SNX11: variants seen among roughly 807,000 people sequenced by gnomAD.
SNX11 encodes sorting nexin 11.
SNX11 carries 19 observed loss-of-function variants against 30.7 expected under a neutral mutation model. That is an observed-to-expected ratio of 0.62 (90% CI 0.43 to 0.91). The LOEUF is 0.91. SNX11 is among the 40% of genes least tolerant of loss of function. The pLI is 0.00. For missense variants in SNX11, 302 were observed against 326.7 expected, an observed-to-expected ratio of 0.92 and a Z score of 0.58; for synonymous variants, 112 against 119.0, an observed-to-expected ratio of 0.94 and a Z score of 0.38.
intron 4 of SNX11, chr17:48,113,619 C>T (rs923341414): frequency 7.2e-6 from 3 of 418,666 alleles, no homozygotes; most frequent in Non-Finnish European, 1.3e-5. Context: ...AATCATGGCT[C>T]ACTGCAGCCT....
intron 2 of SNX11, 150 bp from the exon 3 acceptor site, chr17:48,112,411 TTGAATTGAGTGAC>T (rs1285112035): frequency 1.5e-6 from 1 of 674,116 alleles, no homozygotes; most frequent in African/African-American, 1.8e-5. Flanking sequence ...TAAAAATTTG[TTGAATTGAGTGAC>T]TGAATTGAGT....
Position 48,113,323 on chromosome 17 carries a change from C to T in SNX11, c.152C>T (p.Ala51Val), listed in dbSNP as rs1598331933. ...TAGACCAACAGCAAAGCCTTTACTG[C>T]CAAGACTTCCTGTGTGCGGCGCCGC... ...FLHTNSKAFTAKTSCVRRRYR... is the reference protein window; with the variant it reads ...FLHTNSKAFTVKTSCVRRRYR... Residue 51 changes from alanine (A) to valine (V), a missense_variant, in exon 4 of 7, where the codon GCC becomes GTC. Ala to Val is a moderately conservative substitution (Grantham distance 64, BLOSUM62 0). Coordinates refer to ENST00000359238, the MANE Select transcript of SNX11 (RefSeq NM_013323.3). The T allele has an allele frequency of 6.2e-7, 1 of 1,613,356 alleles. No homozygotes were observed. Among genetic ancestry groups the T allele is most frequent in the Non-Finnish European group, 8.5e-7 (1 of 1,179,658 alleles).
chr17:48,111,113 A>T, intron 1 of SNX11: 1 of 985,444 alleles, frequency 1.0e-6, no homozygotes, highest in Non-Finnish European at 1.2e-6. Flanking sequence ...ACCGGATGGC[A>T]TGTCAGGAGA....
At position 48,113,307 on chromosome 17, in the gene SNX11, A is replaced by G; in HGVS notation, c.136A>G (p.Ser46Gly). 6.2e-7 allele frequency: 1 copy of G among 1,613,276 alleles called. No homozygotes were observed. The highest frequency in any genetic ancestry group is 1.3e-5 in the African/African-American group (1 of 75,024). ...CATGTGCTTTCATGTATAGACCAAC[A>G]GCAAAGCCTTTACTGCCAAGACTTC... The part of the protein sequence containing the change: ...VDYKIFLHTN[S>G]KAFTAKTSCV... The change falls in exon 4 of 7, where the codon AGC becomes GGC. Residue 46 changes from serine to glycine, a missense_variant. Coordinates refer to ENST00000359238, the MANE Select transcript of SNX11 (RefSeq NM_013323.3).
intron 1 of SNX11, among the ~76,000 whole-genome samples, chr17:48,110,398 C>T (rs186297284): frequency 1.3e-5 from 2 of 152,262 alleles, no homozygotes; most frequent in Admixed American, 6.5e-5. Context: ...CATGCAGCTT[C>T]GTTTCTGCAT....
chr17:48,114,298 C>A (rs2063522033), intron 4 of SNX11, among the ~76,000 whole-genome samples: 1 of 147,246 alleles, frequency 6.8e-6, no homozygotes, highest in Non-Finnish European at 1.5e-5. Flanking sequence ...GGATTACAGG[C>A]ATGCGCCACC....
At chr17:48,114,383 C>T (rs1423536044) in intron 4 of SNX11, among the ~76,000 whole-genome samples, 1 of 151,672 alleles carries the variant, frequency 6.6e-6, no homozygotes, top group Non-Finnish European at 1.5e-5. Flanking sequence ...GAACTCCTAA[C>T]CTCAGGTGAT....
At chr17:48,108,582 G>C (rs76739914) in intron 1 of SNX11, among the ~76,000 whole-genome samples, 1 of 152,208 alleles carries the variant, frequency 6.6e-6, no homozygotes, top group African/African-American at 2.4e-5. Context: ...AAAGCTTTAC[G>C]ATGAATCTAC....
At chr17:48,112,724 G>A in intron 3 of SNX11, 64 bp downstream of exon 3, 3 of 984,362 alleles carry the variant, frequency 3.0e-6, no homozygotes, top group South Asian at 3.0e-5. Context: ...TTGTACTGAG[G>A]TGTAACCTTT....
intron 3 of SNX11, among the ~76,000 whole-genome samples, chr17:48,113,057 G>C (rs1279091322): frequency 6.6e-6 from 1 of 152,060 alleles, no homozygotes; most frequent in Non-Finnish European, 1.5e-5. Flanking sequence ...CTATTTTTGA[G>C]TGTTTCTGGT....
chr17:48,115,214 C>T (rs116400536), intron 4 of SNX11, among the ~76,000 whole-genome samples: 4,148 of 151,824 alleles, frequency 0.027, 73 homozygotes, highest in African/African-American at 0.036. Flanking sequence ...GGTCCCTACC[C>T]CCACGCCCAG....
chr17:48,109,934 C>T (rs566069183), intron 1 of SNX11, among the ~76,000 whole-genome samples: 2 of 152,228 alleles, frequency 1.3e-5, no homozygotes, highest in East Asian at 3.9e-4. Context: ...ATGATCATTT[C>T]GTTCCTAAAT....
chr17:48,120,961 C>T (rs1219652327), intron 6 of SNX11, among the ~76,000 whole-genome samples: 1 of 151,384 alleles, frequency 6.6e-6, no homozygotes, highest in African/African-American at 2.4e-5. Flanking sequence ...GAGAGACTTC[C>T]CTTTCTGTTC....
intron 5 of SNX11, 51 bp downstream of exon 5, chr17:48,118,850 G>C (rs779462577): frequency 1.3e-5 from 20 of 1,572,300 alleles, no homozygotes; most frequent in Non-Finnish European, 1.7e-5. Flanking sequence ...AGGCAGGGGT[G>C]GAGGAATGTG....
intron 4 of SNX11, 111 bp from the exon 5 acceptor site, chr17:48,118,593 A>G: frequency 3.0e-6 from 2 of 671,952 alleles, no homozygotes; most frequent in East Asian, 2.7e-5. Flanking sequence ...AAAAAAAAAA[A>G]GCTATTTGTA....
intron 4 of SNX11, among the ~76,000 whole-genome samples, chr17:48,114,228 A>G (rs550519897): frequency 1.4e-5 from 2 of 144,940 alleles, no homozygotes; most frequent in Non-Finnish European, 3.0e-5. Context: ...ATCTCGGCTC[A>G]CCGCAACCTC....
chr17:48,110,588 T>A (rs1383185402), intron 1 of SNX11: 1 of 152,620 alleles, frequency 6.6e-6, no homozygotes, highest in Admixed American at 6.6e-5. Context: ...GCAGAACTAA[T>A]AAGAGAATGT....
In SNX11 at chr17:48,116,901, C is replaced by T. The variant is rs576554711; in HGVS notation, c.231-1803C>T. 2.6e-3 allele frequency among the ~76,000 whole-genome samples: 380 copies of T among 146,472 alleles called. 2 individuals carry two copies. The highest frequency in any genetic ancestry group is 8.9e-3 in the African/African-American group (354 of 39,924). On this transcript the variant is annotated intron_variant, in intron 4 of 6. Transcript: ENST00000359238. Reference sequence around the variant, plus strand: ...TTTTGAGATGGAGTCTTGCTCCTGTCTCATCCTGCAGGCTGGAGTGTTTGC... The same window carrying T: ...TTTTGAGATGGAGTCTTGCTCCTGTTTCATCCTGCAGGCTGGAGTGTTTGC...
chr17:48,112,717 T>G (rs566000781), intron 3 of SNX11, 57 bp downstream of exon 3: 2 of 1,103,294 alleles, frequency 1.8e-6, no homozygotes, highest in South Asian at 2.8e-5. Flanking sequence ...GAGGGGCTTG[T>G]ACTGAGGTGT....
Sources: gnomAD v4.1 joint callset for allele counts (sites outside exome capture counted in the v4.1 genomes callset) on GRCh38, gnomAD v4.1.1 for gene constraint, MANE v1.5 for transcripts, NCBI Gene and HGNC (gene_info 2026-07-23, HGNC 2026-07-21) for gene names.